DAB1: variants seen among roughly 807,000 people sequenced by gnomAD.
The protein encoded by DAB1 is DAB adaptor protein 1, also known as disabled homolog 1.
In DAB1, 15 loss-of-function variants were observed where a neutral mutation model predicts 64.6. The observed-to-expected ratio is 0.23, with a 90% CI of 0.16 to 0.36. DAB1 has a LOEUF of 0.36. Ranked by LOEUF, DAB1 falls within the 10% of genes least tolerant of loss-of-function variation. DAB1 has a pLI of 1.00. For missense variants in DAB1, 596 were observed against 706.7 expected (o/e 0.84, Z 1.78); for synonymous variants, 235 against 251.9 (o/e 0.93, Z 0.64).
intron 3 of DAB1, among the ~76,000 whole-genome samples, chr1:58,494,133 T>C (rs1054696393): frequency 1.2e-4 from 19 of 152,334 alleles, no homozygotes; most frequent in African/African-American, 4.6e-4. Context: ...AACTATCTGA[T>C]CTTTGACAAA....
At chr1:57,351,580 A>G (rs1313586833) in intron 1 of DAB1, among the ~76,000 whole-genome samples, 1 of 152,164 alleles carries the variant, frequency 6.6e-6, no homozygotes, top group Non-Finnish European at 1.5e-5. Flanking sequence ...GATAGGGATA[A>G]CAAGTTGGTT....
At chr1:57,344,825 G>A (rs1332064029) in intron 1 of DAB1, among the ~76,000 whole-genome samples, 3 of 152,110 alleles carry the variant, frequency 2.0e-5, no homozygotes, top group Non-Finnish European at 4.4e-5. Context: ...AGCCACAGAA[G>A]CCCTCATTTC....
rs367603087 is a variant in DAB1 at position 58,492,478 on chromosome 1, T to C, written n.257+13582A>G. Among the ~76,000 whole-genome samples the C allele has an allele frequency of 1.8e-3, 277 of 151,576 alleles. 6 individuals carry two copies. In the South Asian group the frequency reaches 0.054, roughly 30 times the overall value. On this transcript the variant is annotated intron_variant and non_coding_transcript_variant, in intron 3 of 20. Coordinates refer to the DAB1 transcript ENST00000485760. ...TTCAAAAAATCAATGAATCCAGGAG[T>C]TGGTTTTTTGAAAAGATCAACAAAA...
intron 1 of DAB1, among the ~76,000 whole-genome samples, chr1:57,863,839 G>A (rs1654176695): frequency 6.6e-6 from 1 of 152,102 alleles, no homozygotes; most frequent in African/African-American, 2.4e-5. Context: ...AGTTAATATA[G>A]GGCCTGGAAC....
In DAB1 at chr1:57,145,377, G is replaced by T; in HGVS notation, c.120C>A (p.Val40=). 3 of 1,614,018 alleles carry T rather than the reference G, an allele frequency of 1.9e-6. No individual in the cohort carries two copies. Among genetic ancestry groups the T allele is most frequent in the Non-Finnish European group, 2.5e-6 (3 of 1,179,964 alleles). ...TCCCGATCAATTTGGCTTTGTACCG[G>T]ACCCCTTCACCTTTAAACCTCTTTA... ...TLIKRFKGEG[V]RYKAKLIGID... Residue 40 remains valine (V), a synonymous_variant, in exon 3 of 15, where the codon GTC becomes GTA. Transcript: ENST00000371236.
chr1:58,504,142 C>A (rs1413286041), intron 3 of DAB1, among the ~76,000 whole-genome samples: 1 of 152,184 alleles, frequency 6.6e-6, no homozygotes, highest in African/African-American at 2.4e-5. Context: ...TCAAGTCACT[C>A]CTCTGCTCAA....
chr1:57,708,977 C>G (rs1026985842), intron 6 of DAB1, among the ~76,000 whole-genome samples: 2 of 152,060 alleles, frequency 1.3e-5, no homozygotes, highest in Non-Finnish European at 2.9e-5. Context: ...AACAATCACA[C>G]GAGGGCTCTA....
chr1:57,995,120 G>T (rs1646404719), intron 5 of DAB1, among the ~76,000 whole-genome samples: 1 of 152,134 alleles, frequency 6.6e-6, no homozygotes, highest in African/African-American at 2.4e-5. Flanking sequence ...CAAATGAAAG[G>T]CAAAGACAGT....
At chr1:57,732,296 G>A (rs905181520) in intron 6 of DAB1, among the ~76,000 whole-genome samples, 5 of 152,204 alleles carry the variant, frequency 3.3e-5, no homozygotes, top group African/African-American at 9.6e-5. Flanking sequence ...TAAAGGAAAG[G>A]GGGAAAGTGG....
At chr1:57,232,880 T>C (rs1667790682) in intron 2 of DAB1, among the ~76,000 whole-genome samples, 2 of 152,190 alleles carry the variant, frequency 1.3e-5, no homozygotes, top group African/African-American at 2.4e-5. Flanking sequence ...AAGTGCCATA[T>C]AAATTTTTTA....
At chr1:57,349,474 G>T (rs566516163) in intron 1 of DAB1, among the ~76,000 whole-genome samples, 20 of 152,162 alleles carry the variant, frequency 1.3e-4, no homozygotes, top group African/African-American at 4.1e-4. Context: ...TATAAAACAT[G>T]GAAAGCTGTA....
intron 1 of DAB1, among the ~76,000 whole-genome samples, chr1:57,298,187 T>C (rs1673357586): frequency 6.6e-6 from 1 of 152,138 alleles, no homozygotes; most frequent in Non-Finnish European, 1.5e-5. Flanking sequence ...GGAAAAGGCC[T>C]AAAATTCCCC....
chr1:58,110,920 C>A (rs1213365642), intron 5 of DAB1, among the ~76,000 whole-genome samples: 3 of 152,188 alleles, frequency 2.0e-5, no homozygotes. Context: ...TGTTGCATTT[C>A]TCACAGTGTG....
At chr1:57,162,441 C>T (rs1477631807) in intron 2 of DAB1, among the ~76,000 whole-genome samples, 1 of 152,258 alleles carries the variant, frequency 6.6e-6, no homozygotes, top group East Asian at 1.9e-4. Context: ...GAACCCCTAA[C>T]TTAGAGCTCT....
chr1:57,687,394 A>G (rs1012046831), intron 6 of DAB1, among the ~76,000 whole-genome samples: 2 of 152,110 alleles, frequency 1.3e-5, no homozygotes, highest in Non-Finnish European at 2.9e-5. Context: ...CAGAGACAAC[A>G]CAAATAAATG....
At chr1:57,017,745 G>A (rs1646480927) in intron 11 of DAB1, among the ~76,000 whole-genome samples, 1 of 152,200 alleles carries the variant, frequency 6.6e-6, no homozygotes, top group Non-Finnish European at 1.5e-5. Flanking sequence ...GAGGGGTGAA[G>A]AGGCCCTGGA....
intron 3 of DAB1, among the ~76,000 whole-genome samples, chr1:58,414,202 G>A (rs963163122): frequency 4.6e-5 from 7 of 152,078 alleles, no homozygotes; most frequent in African/African-American, 1.4e-4. Flanking sequence ...TCCCCATCTT[G>A]ATGAAAAGTG....
intron 1 of DAB1, among the ~76,000 whole-genome samples, chr1:57,376,607 T>G (rs1341738989): frequency 6.6e-6 from 1 of 152,206 alleles, no homozygotes; most frequent in African/African-American, 2.4e-5. Context: ...CTTACATGTT[T>G]GTTTCCAGCT....
At chr1:57,071,679 G>A (rs760119362) in intron 5 of DAB1, 38 bp from the exon 6 acceptor site, 1 of 1,591,848 alleles carries the variant, frequency 6.3e-7, no homozygotes, top group African/African-American at 1.4e-5. Context: ...ATAAGGGAAT[G>A]GTACTGAGAC....
Sources: allele counts gnomAD v4.1 joint callset (sites outside exome capture counted in the v4.1 genomes callset), GRCh38; gene constraint gnomAD v4.1.1; transcripts MANE v1.5; gene names NCBI Gene and HGNC (gene_info 2026-07-23, HGNC 2026-07-21).